Variants in MAPK10 observed in about 807,000 individuals in gnomAD.
The protein encoded by MAPK10 is mitogen-activated protein kinase 10, also known as JNK3 alpha protein kinase.
A neutral mutation model predicts 59.3 loss-of-function variants in MAPK10; 25 were observed. The ratio of observed to expected loss-of-function variants is 0.42; its 90% CI spans 0.31 to 0.59. MAPK10 has a LOEUF of 0.59. MAPK10 is among the 20% of genes least tolerant of loss of function. The probability of loss-of-function intolerance (pLI) is 0.15; values close to 1 mark genes in which losing one functional copy is unlikely to be tolerated. For missense variants in MAPK10, 351 were observed against 568.9 expected, an observed-to-expected ratio of 0.62 and a Z score of 3.90; for synonymous variants, 190 against 200.5, an observed-to-expected ratio of 0.95 and a Z score of 0.44.
chr4:86,437,695 C>T (rs1748931002), intron 1 of MAPK10, among the ~76,000 whole-genome samples: 1 of 152,100 alleles, frequency 6.6e-6, no homozygotes, highest in African/African-American at 2.4e-5. Context: ...TCTTTTTATG[C>T]TGATCATATG....
intron 4 of MAPK10, 131 bp from the exon 5 acceptor site, chr4:86,107,483 C>T: frequency 4.4e-6 from 6 of 1,357,302 alleles, no homozygotes; most frequent in Non-Finnish European, 5.7e-6. Context: ...TGGTCACATG[C>T]CAATCAGGCT....
rs149786230 is a variant in MAPK10 at position 86,305,724 on chromosome 4, C to T, written c.-7+48806G>A. On this transcript the variant is annotated intron_variant, in intron 2 of 13. Coordinates refer to ENST00000641462, the MANE Select transcript of MAPK10 (RefSeq NM_138982.4). ...ATCCCAGCTACTTGGGAGGCTGAGG[C>T]AGGAGAATCACTTGAACCCGGGAGG... is the stretch of plus-strand genomic sequence containing the variant. Among the ~76,000 whole-genome samples, 1,416 of 151,010 alleles carry T rather than the reference C, an allele frequency of 9.4e-3. 20 individuals are homozygous for T. Among genetic ancestry groups the T allele is most frequent in the African/African-American group, 0.032 (1,319 of 41,086 alleles).
chr4:86,272,828 T>C (rs527940713), intron 2 of MAPK10, among the ~76,000 whole-genome samples: 13 of 152,162 alleles, frequency 8.5e-5, no homozygotes, highest in East Asian at 3.9e-4. Context: ...ATCTCACACA[T>C]CCTGGAGTCT....
At chr4:86,216,482 C>T (rs10026060) in intron 2 of MAPK10, among the ~76,000 whole-genome samples, 29,808 of 151,086 alleles carry the variant, frequency 0.2, 3,559 homozygotes, top group African/African-American at 0.33. Flanking sequence ...GTGTATTTTG[C>T]CATAACAGAA....
At chr4:86,205,861 T>C (rs1408555116) in intron 2 of MAPK10, among the ~76,000 whole-genome samples, 1 of 152,012 alleles carries the variant, frequency 6.6e-6, no homozygotes, top group African/African-American at 2.4e-5. Context: ...ACAAATATCA[T>C]ATTTAATGAT....
chr4:86,547,260 C>G (rs1020825739), intron 1 of MAPK10, among the ~76,000 whole-genome samples: 1 of 152,224 alleles, frequency 6.6e-6, no homozygotes, highest in African/African-American at 2.4e-5. Context: ...ACTGTGGGAT[C>G]CCCTTTCTGG....
chr4:86,544,960 A>G (rs905294749), intron 1 of MAPK10, among the ~76,000 whole-genome samples: 1 of 151,638 alleles, frequency 6.6e-6, no homozygotes, highest in African/African-American at 2.4e-5. Context: ...AATGGAAGGG[A>G]GAAAGAGAGG....
At chr4:86,049,227 T>C (rs779209870) in intron 11 of MAPK10, among the ~76,000 whole-genome samples, 1 of 151,994 alleles carries the variant, frequency 6.6e-6, no homozygotes. Context: ...GATTGATGAG[T>C]TGATAACGTT....
rs755693594 is a variant in MAPK10 at position 86,194,937 on chromosome 4, T to C, written c.-6-530A>G. Reference sequence around the variant, plus strand: ...TGTAACAGATATAAGGAATATACTATATTTGTGTGAAATTTTAAAATTACA... The same window carrying C: ...TGTAACAGATATAAGGAATATACTACATTTGTGTGAAATTTTAAAATTACA... On this transcript the variant is annotated intron_variant, in intron 2 of 13. Coordinates refer to ENST00000641462, the MANE Select transcript of MAPK10 (RefSeq NM_138982.4). 2.3e-4 allele frequency among the ~76,000 whole-genome samples: 35 copies of C among 152,184 alleles called. No individual in the cohort carries two copies. In the Middle Eastern group the frequency reaches 0.01, roughly 45 times the overall value.
At chr4:86,237,606 G>C (rs2148677781) in intron 2 of MAPK10, among the ~76,000 whole-genome samples, 1 of 152,266 alleles carries the variant, frequency 6.6e-6, no homozygotes, top group South Asian at 2.1e-4. Flanking sequence ...CTGATGTTCA[G>C]TGATGTTAAG....
intron 1 of MAPK10, among the ~76,000 whole-genome samples, chr4:86,452,026 A>G (rs2149055735): frequency 6.6e-6 from 1 of 152,336 alleles, no homozygotes; most frequent in East Asian, 1.9e-4. Context: ...ACAAGTGAGG[A>G]GACTGAAATG....
chr4:86,209,094 G>T (rs1407300595), intron 2 of MAPK10, among the ~76,000 whole-genome samples: 3 of 152,002 alleles, frequency 2.0e-5, no homozygotes, highest in African/African-American at 7.2e-5. Flanking sequence ...TGAGAAACTT[G>T]ACACAAAATG....
At chr4:86,271,630 A>G (rs2094436849) in intron 2 of MAPK10, among the ~76,000 whole-genome samples, 1 of 151,984 alleles carries the variant, frequency 6.6e-6, no homozygotes, top group African/African-American at 2.4e-5. Context: ...TTATTATGTA[A>G]GGGAAAGAGG....
chr4:86,420,504 T>C (rs368273815), intron 1 of MAPK10, among the ~76,000 whole-genome samples: 1 of 152,154 alleles, frequency 6.6e-6, no homozygotes, highest in Non-Finnish European at 1.5e-5. Context: ...AACTCAATTT[T>C]TGGCTGGGCA....
At chr4:86,377,478 T>C (rs1205354506) in intron 1 of MAPK10, among the ~76,000 whole-genome samples, 1 of 152,198 alleles carries the variant, frequency 6.6e-6, no homozygotes, top group East Asian at 1.9e-4. Context: ...AGAAGGGCTG[T>C]ATAATCTCAA....
At chr4:86,576,305 A>G (rs1048473501) in intron 1 of MAPK10, among the ~76,000 whole-genome samples, 7 of 152,200 alleles carry the variant, frequency 4.6e-5, no homozygotes, top group South Asian at 2.1e-4. Context: ...TAAAATTATC[A>G]AGAAGCAGCA....
At chr4:86,493,625 C>G (rs952515564) in intron 1 of MAPK10, among the ~76,000 whole-genome samples, 15 of 152,148 alleles carry the variant, frequency 9.9e-5, no homozygotes, top group Admixed American at 6.5e-5. Context: ...TCACCCTCCC[C>G]CTTCACTCCT....
chr4:86,060,135 G>T (rs1023704957), intron 11 of MAPK10, among the ~76,000 whole-genome samples: 1 of 152,206 alleles, frequency 6.6e-6, no homozygotes, highest in Non-Finnish European at 1.5e-5. Context: ...TTAGGGGATG[G>T]TTCTAATCTC....
intron 4 of MAPK10, among the ~76,000 whole-genome samples, chr4:86,117,032 C>T (rs1334261881): frequency 1.3e-5 from 2 of 152,208 alleles, no homozygotes; most frequent in Non-Finnish European, 2.9e-5. Context: ...AACTGTACCA[C>T]CATCATGACC....
Sources: gnomAD v4.1 joint callset for allele counts (sites outside exome capture counted in the v4.1 genomes callset) on GRCh38, gnomAD v4.1.1 for gene constraint, MANE v1.5 for transcripts, NCBI Gene and HGNC (gene_info 2026-07-23, HGNC 2026-07-21) for gene names.